Variants in KSR2 observed in about 807,000 individuals in gnomAD.
KSR2 encodes kinase suppressor of ras 2.
A neutral mutation model predicts 107.8 loss-of-function variants in KSR2; 25 were observed. The observed-to-expected ratio is 0.23, with a 90% CI of 0.17 to 0.32. The LOEUF is 0.32. Ranked by LOEUF, KSR2 falls within the 10% of genes least tolerant of loss-of-function variation. The pLI, the probability that KSR2 is intolerant of heterozygous loss-of-function variation, is 1.00. For synonymous variants in KSR2, 480 were observed against 507.0 expected (o/e 0.95, Z 0.71); for missense variants, 887 against 1,268.9 (o/e 0.70, Z 4.57).
intron 7 of KSR2, among the ~76,000 whole-genome samples, chr12:117,567,934 G>A (rs545304766): frequency 4.6e-5 from 7 of 151,704 alleles, no homozygotes; most frequent in South Asian, 4.1e-4. Flanking sequence ...AAATGCCTCC[G>A]TATGCTCCAA....
At chr12:117,885,851 T>C (rs1478193365) in intron 1 of KSR2, among the ~76,000 whole-genome samples, 2 of 151,922 alleles carry the variant, frequency 1.3e-5, no homozygotes, top group African/African-American at 4.8e-5. Flanking sequence ...ATCCCAGCAC[T>C]TTGGGAGGCC....
At chr12:117,487,904 T>C (rs916982744) in intron 14 of KSR2, among the ~76,000 whole-genome samples, 1 of 152,134 alleles carries the variant, frequency 6.6e-6, no homozygotes, top group African/African-American at 2.4e-5. Context: ...AAGTGAAATA[T>C]ACATACAAAT....
chr12:117,607,036 A>G (rs915523829), intron 5 of KSR2, among the ~76,000 whole-genome samples: 2 of 152,134 alleles, frequency 1.3e-5, no homozygotes, highest in African/African-American at 2.4e-5. Flanking sequence ...TGATGGGACC[A>G]TGTGTAGCTG....
At position 117,789,648 on chromosome 12, in the gene KSR2, TGGCC is replaced by T. The variant is rs1271103138; in HGVS notation, c.473-28128_473-28125del. Among the ~76,000 whole-genome samples, 207 of 152,320 alleles carry T rather than the reference TGGCC, an allele frequency of 1.4e-3. 1 individual carries two copies. The highest frequency in any genetic ancestry group is 4.6e-3 in the African/African-American group (193 of 41,580). ...TGACTCTTCCTGCCACCTTGCATGCTGGCCTCTTTCCTATCCTTCAGTCCCTCCC... is the reference window on the plus strand; with the variant it reads ...TGACTCTTCCTGCCACCTTGCATGCTTCTTTCCTATCCTTCAGTCCCTCCC... On this transcript the variant is annotated intron_variant, in intron 3 of 19. Transcript: ENST00000339824.
chr12:117,724,589 C>T (rs1264774190), intron 4 of KSR2, among the ~76,000 whole-genome samples: 2 of 57,452 alleles, frequency 3.5e-5, no homozygotes, highest in East Asian at 6.6e-4. Flanking sequence ...CCCCCCCACC[C>T]CCGGCCGCCT....
chr12:117,571,329 A>G (rs1045911430), intron 7 of KSR2, among the ~76,000 whole-genome samples: 1 of 152,156 alleles, frequency 6.6e-6, no homozygotes, highest in African/African-American at 2.4e-5. Flanking sequence ...CCAGGCATGG[A>G]TGTGGTTTCA....
chr12:117,678,657 G>A (rs1216537024), intron 4 of KSR2, among the ~76,000 whole-genome samples: 1 of 152,174 alleles, frequency 6.6e-6, no homozygotes, highest in African/African-American at 2.4e-5. Flanking sequence ...CTATGGTCAC[G>A]GGATCTGTTT....
At chr12:117,724,143 C>T (rs1251588371) in intron 4 of KSR2, among the ~76,000 whole-genome samples, 3 of 151,818 alleles carry the variant, frequency 2.0e-5, no homozygotes, top group African/African-American at 7.3e-5. Flanking sequence ...CCCGTCTCTA[C>T]CAAACAATAC....
intron 4 of KSR2, among the ~76,000 whole-genome samples, chr12:117,690,988 T>C (rs55718099): frequency 0.13 from 19,927 of 152,224 alleles, 1,405 homozygotes; most frequent in South Asian, 0.23. Context: ...TGCAATGCAG[T>C]GTTTTCCGAT....
intron 1 of KSR2, among the ~76,000 whole-genome samples, chr12:117,921,253 T>C (rs760975004): frequency 6.6e-6 from 1 of 152,196 alleles, no homozygotes; most frequent in Non-Finnish European, 1.5e-5. Flanking sequence ...GGCAGGCACA[T>C]TAAATATTAA....
At position 117,847,739 on chromosome 12, in the gene KSR2, G is replaced by T. The variant is rs565768144; in HGVS notation, c.472+7689C>A. ...GCTCCAGCTCCCACCACTCTCCCCA[G>T]CATCCCCACTGGGCACCCATACTGT... is the stretch of plus-strand genomic sequence containing the variant. On this transcript the variant is annotated intron_variant, in intron 3 of 19. Transcript: ENST00000339824. Among the ~76,000 whole-genome samples, 18 of 152,270 alleles carry T rather than the reference G, an allele frequency of 1.2e-4. 1 individual carries two copies. The highest frequency in any genetic ancestry group is 4.3e-4 in the African/African-American group (18 of 41,572).
intron 3 of KSR2, among the ~76,000 whole-genome samples, chr12:117,845,105 C>T (rs1417288549): frequency 6.6e-6 from 1 of 152,168 alleles, no homozygotes; most frequent in Non-Finnish European, 1.5e-5. Context: ...AAGATAGCAC[C>T]ACTGCACTCC....
At chr12:117,864,107 A>T (rs190834366) in intron 1 of KSR2, among the ~76,000 whole-genome samples, 1 of 152,262 alleles carries the variant, frequency 6.6e-6, no homozygotes, top group East Asian at 1.9e-4. Flanking sequence ...TTACCCGGGC[A>T]AGTGGTTCAA....
At chr12:117,822,933 C>A (rs921706592) in intron 3 of KSR2, among the ~76,000 whole-genome samples, 1 of 152,026 alleles carries the variant, frequency 6.6e-6, no homozygotes, top group African/African-American at 2.4e-5. Flanking sequence ...AAAGGGTTAT[C>A]CCAAGAGAAA....
chr12:117,807,584 T>TATTTA (rs1413193944), intron 3 of KSR2, among the ~76,000 whole-genome samples: 1 of 152,276 alleles, frequency 6.6e-6, no homozygotes, highest in Non-Finnish European at 1.5e-5. Context: ...TATACTCATT[T>TATTTA]ATTTAACACA....
chr12:117,624,073 GGTT>G (rs1236688582), intron 5 of KSR2, among the ~76,000 whole-genome samples: 4 of 151,954 alleles, frequency 2.6e-5, no homozygotes, highest in Non-Finnish European at 5.9e-5. Context: ...TTTTTGATGG[GGTT>G]GTTTTTTCTT....
intron 4 of KSR2, among the ~76,000 whole-genome samples, chr12:117,749,867 C>T (rs1381336885): frequency 6.6e-6 from 1 of 152,096 alleles, no homozygotes; most frequent in Non-Finnish European, 1.5e-5. Flanking sequence ...GGATAAGGAC[C>T]TATTCTTGCT....
intron 9 of KSR2, among the ~76,000 whole-genome samples, chr12:117,544,569 A>G (rs1876725401): frequency 6.6e-6 from 1 of 151,948 alleles, no homozygotes; most frequent in South Asian, 2.1e-4. Flanking sequence ...CAGTGAGCTG[A>G]GATCATACCA....
intron 3 of KSR2, among the ~76,000 whole-genome samples, chr12:117,767,708 C>T (rs1418613017): frequency 6.7e-6 from 1 of 150,260 alleles, no homozygotes. Context: ...CGGCGTGAAC[C>T]CGGGAGGCGG....
Sources: gnomAD v4.1 joint callset for allele counts (sites outside exome capture counted in the v4.1 genomes callset) on GRCh38, gnomAD v4.1.1 for gene constraint, MANE v1.5 for transcripts, NCBI Gene and HGNC (gene_info 2026-07-23, HGNC 2026-07-21) for gene names.